Variants in RIMS1 observed in about 807,000 individuals in gnomAD.
The protein encoded by RIMS1 is regulating synaptic membrane exocytosis protein 1.
RIMS1 carries 83 observed loss-of-function variants against 214.1 expected under a neutral mutation model. That is an observed-to-expected ratio of 0.39 (90% CI 0.32 to 0.47). The LOEUF is 0.47. Among genes scored for constraint, RIMS1 ranks in the 20% least tolerant of loss-of-function variants. The pLI is 0.99. For synonymous variants in RIMS1, 793 were observed against 786.8 expected (o/e 1.01, Z -0.13); for missense variants, 2,050 against 2,161.8 (o/e 0.95, Z 1.03).
chr6:72,327,382 T>G (rs931473479), intron 28 of RIMS1, among the ~76,000 whole-genome samples: 5 of 151,864 alleles, frequency 3.3e-5, no homozygotes, highest in Admixed American at 1.3e-4. Flanking sequence ...TTTCATTGTA[T>G]GGATTTAACA....
chr6:72,371,937 TTATGAA>T (rs1202209238), intron 29 of RIMS1, among the ~76,000 whole-genome samples: 1 of 152,212 alleles, frequency 6.6e-6, no homozygotes, highest in African/African-American at 2.4e-5. Context: ...GTGGAATTCT[TTATGAA>T]TATAATTATT....
Position 72,258,277 on chromosome 6 carries a change from C to A in RIMS1, c.2923C>A (p.Gln975Lys). ...TTCACGTTTACCAAATGTGCCATTA[C>A]AGAGGTAGGCTTTGAAATGGGCTCA... ...PRSRLPNVPLQRSLDEIHPTR... is the reference protein window; with the variant it reads ...PRSRLPNVPLKRSLDEIHPTR... Residue 975 changes from glutamine to lysine, a missense_variant, in exon 17 of 34, where the codon CAG becomes AAG. Gln to Lys is a moderately conservative substitution (Grantham distance 53). Around this residue, in one of 6 missense-constraint regions of RIMS1, gnomAD observed 889 missense variants for 885.5 expected, o/e 1.00. Coordinates refer to ENST00000521978, the MANE Select transcript of RIMS1 (RefSeq NM_014989.7). 6.2e-7 allele frequency: 1 copy of A among 1,612,920 alleles called. No individual in the cohort carries two copies. Among genetic ancestry groups the A allele is most frequent in the Non-Finnish European group, 8.5e-7 (1 of 1,179,298 alleles).
intron 28 of RIMS1, chr6:72,316,807 G>T (rs1375328905): frequency 4.0e-6 from 3 of 758,040 alleles, no homozygotes; most frequent in East Asian, 5.9e-5. Flanking sequence ...CAGTAGGTGG[G>T]TGGTGGTGCC....
At chr6:72,369,301 G>C (rs1372930507) in intron 29 of RIMS1, among the ~76,000 whole-genome samples, 1 of 151,994 alleles carries the variant, frequency 6.6e-6, no homozygotes, top group African/African-American at 2.4e-5. Context: ...GATAGTGAGA[G>C]GATAGTGAGT....
chr6:72,227,958 G>A (rs1003424642), intron 6 of RIMS1, among the ~76,000 whole-genome samples: 2 of 151,784 alleles, frequency 1.3e-5, no homozygotes, highest in Non-Finnish European at 1.5e-5. Flanking sequence ...TTTTAAAAGG[G>A]AAATATTTTT....
At chr6:72,029,199 A>T (rs1005711413) in intron 2 of RIMS1, among the ~76,000 whole-genome samples, 5 of 152,164 alleles carry the variant, frequency 3.3e-5, no homozygotes, top group African/African-American at 1.2e-4. Context: ...TCTCAATAAA[A>T]CTATTGAGGT....
At chr6:71,964,456 A>G (rs1367972369) in intron 1 of RIMS1, among the ~76,000 whole-genome samples, 4 of 152,230 alleles carry the variant, frequency 2.6e-5, no homozygotes, top group Non-Finnish European at 4.4e-5. Flanking sequence ...ATCTATGGTG[A>G]GAATTCAAAT....
Position 71,909,006 on chromosome 6 carries a change from T to A in RIMS1, c.164+21819T>A, listed in dbSNP as rs574559417. The stretch of plus-strand genomic sequence containing the variant: ...GTATTTCTTTTTATTTTATTTTATT[T>A]TGAGGCAGAGTCTCGCTTTGTTGCT... On this transcript the variant is annotated intron_variant, in intron 1 of 33. Coordinates refer to ENST00000521978, the MANE Select transcript of RIMS1 (RefSeq NM_014989.7). 5.5e-4 allele frequency among the ~76,000 whole-genome samples: 84 copies of A among 152,340 alleles called. No individual in the cohort carries two copies. The South Asian group carries it at 8.7e-3, about 16-fold the overall frequency.
intron 27 of RIMS1, among the ~76,000 whole-genome samples, chr6:72,309,398 T>C (rs1425322165): frequency 6.6e-6 from 1 of 152,106 alleles, no homozygotes; most frequent in Non-Finnish European, 1.5e-5. Context: ...AAGAGGTAAT[T>C]AATTAAAATT....
chr6:72,397,321 A>G (rs1320397064), intron 31 of RIMS1, among the ~76,000 whole-genome samples: 3 of 152,216 alleles, frequency 2.0e-5, no homozygotes, highest in Non-Finnish European at 2.9e-5. Context: ...GTATCAAACT[A>G]TACATGGGCT....
intron 1 of RIMS1, among the ~76,000 whole-genome samples, chr6:71,904,696 C>G (rs1199847481): frequency 1.3e-5 from 2 of 152,144 alleles, no homozygotes; most frequent in South Asian, 2.1e-4. Flanking sequence ...GGTTAAATAT[C>G]AAGTCAACTA....
At chr6:72,386,964 G>A (rs575906950) in intron 29 of RIMS1, among the ~76,000 whole-genome samples, 123 of 152,030 alleles carry the variant, frequency 8.1e-4, no homozygotes, top group Middle Eastern at 3.4e-3. Flanking sequence ...TCGATCTCCT[G>A]ACCTCGTGAT....
At chr6:72,008,343 C>A (rs1808692297) in intron 2 of RIMS1, among the ~76,000 whole-genome samples, 1 of 152,158 alleles carries the variant, frequency 6.6e-6, no homozygotes. Context: ...CGGAAAGAAA[C>A]AACTGGTACC....
intron 31 of RIMS1, among the ~76,000 whole-genome samples, chr6:72,397,419 A>G (rs1182248984): frequency 6.6e-6 from 1 of 152,216 alleles, no homozygotes; most frequent in Non-Finnish European, 1.5e-5. Flanking sequence ...TTTGATACTG[A>G]TATTAGACAT....
chr6:71,999,627 T>C (rs1181483014), intron 2 of RIMS1, among the ~76,000 whole-genome samples: 1 of 152,164 alleles, frequency 6.6e-6, no homozygotes, highest in African/African-American at 2.4e-5. Flanking sequence ...TCTGGCCTTT[T>C]GAGGTAAGAA....
intron 2 of RIMS1, among the ~76,000 whole-genome samples, chr6:71,974,451 T>C (rs1254181491): frequency 6.6e-6 from 1 of 152,216 alleles, no homozygotes; most frequent in Non-Finnish European, 1.5e-5. Flanking sequence ...CTGCGTTTTA[T>C]TTTGAAATTT....
At chr6:72,318,089 G>C (rs1210711116) in intron 28 of RIMS1, among the ~76,000 whole-genome samples, 2 of 151,832 alleles carry the variant, frequency 1.3e-5, no homozygotes, top group Non-Finnish European at 2.9e-5. Context: ...ACATCTTTTT[G>C]TGTCAACTTT....
rs1780200408 is a variant in RIMS1 at position 71,922,176 on chromosome 6, A to C, written c.164+34989A>C. On this transcript the variant is annotated intron_variant, in intron 1 of 33. Coordinates refer to ENST00000521978, the MANE Select transcript of RIMS1 (RefSeq NM_014989.7). ...CTAATATATATATAACATAATACTT[A>C]TCATTTTAAGCATTTGTAAAGTGTA... Among the ~76,000 whole-genome samples, 6 of 152,214 alleles carry C rather than the reference A, an allele frequency of 3.9e-5. No individual in the cohort carries two copies. In the South Asian group the frequency reaches 1.2e-3, roughly 32 times the overall value.
chr6:72,160,429 G>A (rs1408684875), intron 4 of RIMS1, among the ~76,000 whole-genome samples: 1 of 139,574 alleles, frequency 7.2e-6, no homozygotes, highest in Non-Finnish European at 1.6e-5. Flanking sequence ...TGTTGAATAG[G>A]AGTGGTGAGA....
Sources: allele counts gnomAD v4.1 joint callset (sites outside exome capture counted in the v4.1 genomes callset), GRCh38; gene constraint gnomAD v4.1.1; regional missense constraint gnomAD v4.1.1; transcripts MANE v1.5; gene names NCBI Gene and HGNC (gene_info 2026-07-23, HGNC 2026-07-21).